The following HIVEP3 variants were observed in gnomAD, a reference collection of about 807,000 sequenced individuals.
HIVEP3 encodes HIVEP zinc finger 3.
A neutral mutation model predicts 152.8 loss-of-function variants in HIVEP3; 49 were observed. The observed-to-expected ratio is 0.32, with a 90% CI of 0.26 to 0.41. The LOEUF is 0.41. Ranked by LOEUF, HIVEP3 falls within the 10% of genes least tolerant of loss-of-function variation. The probability of loss-of-function intolerance (pLI) is 1.00; values close to 1 mark genes in which losing one functional copy is unlikely to be tolerated. For missense variants in HIVEP3, 2,790 were observed against 3,103.3 expected, an observed-to-expected ratio of 0.90 and a Z score of 2.40; for synonymous variants, 1,269 against 1,289.0, an observed-to-expected ratio of 0.98 and a Z score of 0.33.
chr1:41,586,810 T>C (rs1644512714), intron 3 of HIVEP3, among the ~76,000 whole-genome samples: 1 of 152,162 alleles, frequency 6.6e-6, no homozygotes, highest in Non-Finnish European at 1.5e-5. Context: ...TGTGTGCCTT[T>C]TCTACTTGGT....
At chr1:41,677,848 G>T (rs964854420) in intron 2 of HIVEP3, among the ~76,000 whole-genome samples, 1 of 152,206 alleles carries the variant, frequency 6.6e-6, no homozygotes, top group South Asian at 2.1e-4. Context: ...AAGGAAAGGG[G>T]CCTGTTAATA....
At chr1:41,546,509 G>A (rs1643807706) in intron 5 of HIVEP3, among the ~76,000 whole-genome samples, 1 of 152,222 alleles carries the variant, frequency 6.6e-6, no homozygotes. Flanking sequence ...TAAGTGAGGA[G>A]CCCCCAGGTG....
At chr1:41,765,952 C>T (rs895092364) in intron 1 of HIVEP3, among the ~76,000 whole-genome samples, 1 of 152,204 alleles carries the variant, frequency 6.6e-6, no homozygotes, top group Non-Finnish European at 1.5e-5. Context: ...TCTGAGCCTG[C>T]CCTGGCCCAC....
At chr1:41,558,357 C>T (rs1477083809) in intron 5 of HIVEP3, among the ~76,000 whole-genome samples, 2 of 152,306 alleles carry the variant, frequency 1.3e-5, no homozygotes, top group African/African-American at 2.4e-5. Context: ...GTTAGACTAG[C>T]GTAAGCTACA....
rs74071556 is a variant in HIVEP3, at chr1:41,506,603, T to G, written c.*3848A>C. The G allele has an allele frequency of 6.2e-4, 36 of 58,344 alleles. No homozygotes were observed. Among genetic ancestry groups the G allele is most frequent in the East Asian group, 2.9e-3 (4 of 1,366 alleles). The allele number at this position is 58,344 out of a possible 1,614,324, so 3.6% of individuals were successfully genotyped here. On this transcript the variant is annotated 3_prime_UTR_variant, in exon 9 of 9. Transcript: ENST00000372583. ...TGCGTGGATTTTTGTTTTTTTTTTT[T>G]GTTTGTTTCTGTTTTGTTTTTTCTT...
At chr1:41,575,782 T>A (rs1171530206) in intron 4 of HIVEP3, 93 bp from the exon 5 acceptor site, 1 of 1,365,174 alleles carries the variant, frequency 7.3e-7, no homozygotes, top group African/African-American at 1.4e-5. Flanking sequence ...TACACAGTAC[T>A]GCACAAGTAC....
Position 41,510,686 on chromosome 1 carries a change from C to T in HIVEP3, c.6986G>A (p.Ser2329Asn). Residue 2329 changes from serine (S) to asparagine (N), a missense_variant, in exon 9 of 9, where the codon AGC (serine) becomes AAC (asparagine). Ser to Asn is a conservative substitution (Grantham distance 46). This residue lies in a region of HIVEP3 where 816 missense variants were observed against 806.5 expected (regional missense o/e 1.01). Transcript: ENST00000372583. ...PQGRRAAQSW[S>N]PRLESPRAPT... ...TGCACGCGGGGACTCCAAGCGGGGG[C>T]TCCAGGACTGCGCTGCCCGGCGTCC... 4.6e-6 allele frequency: 7 copies of T among 1,523,968 alleles called. No homozygotes were observed. The highest frequency in any genetic ancestry group is 6.2e-6 in the Non-Finnish European group (7 of 1,135,398). 94.4% of individuals were successfully genotyped at this position (1,523,968 alleles called of 1,614,324 possible). A position where few individuals can be genotyped will look rare whatever the true frequency, so the allele number is the denominator to read the frequency against.
intron 1 of HIVEP3, among the ~76,000 whole-genome samples, chr1:42,031,669 T>A (rs1645613487): frequency 6.6e-6 from 1 of 152,178 alleles, no homozygotes; most frequent in Non-Finnish European, 1.5e-5. Context: ...ACTACTAGTC[T>A]AAAAAATATT....
intron 1 of HIVEP3, among the ~76,000 whole-genome samples, chr1:41,788,173 C>G (rs1255188014): frequency 6.6e-6 from 1 of 152,126 alleles, no homozygotes; most frequent in South Asian, 2.1e-4. Context: ...GTGGCCACCC[C>G]CCGACAGTGA....
At chr1:41,665,662 T>C (rs1388575098) in intron 2 of HIVEP3, among the ~76,000 whole-genome samples, 1 of 146,260 alleles carries the variant, frequency 6.8e-6, no homozygotes, top group African/African-American at 2.6e-5. Context: ...GTGATCCAGG[T>C]GTCCCGGGCT....
chr1:41,618,305 A>C (rs1179865549), intron 3 of HIVEP3, among the ~76,000 whole-genome samples: 3 of 152,054 alleles, frequency 2.0e-5, no homozygotes, highest in African/African-American at 7.2e-5. Context: ...CAGGAGGTTA[A>C]CTCTCCCCAG....
intron 2 of HIVEP3, among the ~76,000 whole-genome samples, chr1:41,633,479 T>C (rs541599469): frequency 6.6e-6 from 1 of 152,150 alleles, no homozygotes; most frequent in African/African-American, 2.4e-5. Flanking sequence ...ATGACCAAAG[T>C]GAGAGTTGGG....
At chr1:42,020,563 A>T (rs1420999571) in intron 1 of HIVEP3, among the ~76,000 whole-genome samples, 1 of 152,172 alleles carries the variant, frequency 6.6e-6, no homozygotes, top group Non-Finnish European at 1.5e-5. Flanking sequence ...TTTTCTCAAA[A>T]CCAGTCATTG....
In HIVEP3 at chr1:41,602,004, G is replaced by A. The variant is rs144406931; in HGVS notation, c.-521-16686C>T. Among the ~76,000 whole-genome samples the A allele has an allele frequency of 7.5e-3, 1,142 of 152,056 alleles. 14 individuals carry two copies. Among genetic ancestry groups the A allele is most frequent in the Middle Eastern group, 0.031 (9 of 294 alleles). ...TTTCTGCATCTGTTGAGATGCTCAT[G>A]TGATTTTAAGTCTTTATTCTGATAA... On this transcript the variant is annotated intron_variant, in intron 3 of 8. Transcript: ENST00000372583.
chr1:41,918,002 C>A lies in HIVEP3; in HGVS notation c.-801+411G>T, dbSNP rs370460123. Among the ~76,000 whole-genome samples the A allele has an allele frequency of 9.3e-4, 141 of 152,340 alleles. No homozygotes were observed. Among genetic ancestry groups the A allele is most frequent in the African/African-American group, 3.1e-3 (129 of 41,588 alleles). ...GCCACGGAACGCGATGCCTAAGCCC[C>A]CCAGCCGAGGCTCCTATGGAGCCGG... On this transcript the variant is annotated intron_variant, in intron 1 of 8. Transcript: ENST00000372583. This position sits in a 1 kb window ranked among gnomAD's most constrained non-coding sequence, Gnocchi z 4.3.
At chr1:42,005,813 C>T (rs1292034671) in intron 1 of HIVEP3, among the ~76,000 whole-genome samples, 5 of 152,186 alleles carry the variant, frequency 3.3e-5, no homozygotes, top group Non-Finnish European at 7.3e-5. Flanking sequence ...AAAAATTGCA[C>T]AACTATTAGA....
intron 2 of HIVEP3, among the ~76,000 whole-genome samples, chr1:41,650,187 G>A (rs957001668): frequency 6.6e-6 from 1 of 152,100 alleles, no homozygotes; most frequent in Non-Finnish European, 1.5e-5. Context: ...TTCAAAAGAG[G>A]GTCAAGAAGA....
chr1:41,654,475 TC>T (rs1645600863), intron 2 of HIVEP3, among the ~76,000 whole-genome samples: 2 of 152,230 alleles, frequency 1.3e-5, no homozygotes, highest in Admixed American at 6.5e-5. Context: ...AATAAAATGT[TC>T]ATTTTTGGAA....
intron 2 of HIVEP3, among the ~76,000 whole-genome samples, chr1:41,692,701 C>T (rs964196474): frequency 3.3e-4 from 50 of 152,324 alleles, no homozygotes; most frequent in Non-Finnish European, 7.1e-4. Flanking sequence ...ATGTACGCTT[C>T]TGTGCAATTT....
Sources: gnomAD v4.1 joint callset for allele counts (sites outside exome capture counted in the v4.1 genomes callset) on GRCh38, gnomAD v4.1.1 for gene constraint, gnomAD v4.1.1 regional missense constraint, Gnocchi (gnomAD v3.1) non-coding constraint, MANE v1.5 for transcripts, NCBI Gene and HGNC (gene_info 2026-07-23, HGNC 2026-07-21) for gene names.